Variants in WWOX observed in about 807,000 individuals in gnomAD.
WWOX encodes WW domain containing oxidoreductase, also known as WW domain-containing oxidoreductase.
WWOX carries 69 observed loss-of-function variants against 46.2 expected under a neutral mutation model. The ratio of observed to expected loss-of-function variants is 1.49; its 90% CI spans 1.23 to 1.82. The LOEUF is 1.82. Among genes scored for constraint, WWOX ranks in the 40% most tolerant of loss-of-function variants. The probability of loss-of-function intolerance (pLI) is 0.00; values close to 1 mark genes in which losing one functional copy is unlikely to be tolerated. For synonymous variants in WWOX, 359 were observed against 202.6 expected, an observed-to-expected ratio of 1.77 and a Z score of -6.56; for missense variants, 919 against 542.6, an observed-to-expected ratio of 1.69 and a Z score of -6.89.
intron 8 of WWOX, among the ~76,000 whole-genome samples, chr16:78,960,490 C>T (rs2046252042): frequency 6.6e-6 from 1 of 152,200 alleles, no homozygotes; most frequent in Admixed American, 6.5e-5. Flanking sequence ...CTTAAATCTA[C>T]TGGAGATTAC....
intron 8 of WWOX, among the ~76,000 whole-genome samples, chr16:78,728,254 G>T (rs939413778): frequency 3.3e-5 from 5 of 151,424 alleles, no homozygotes; most frequent in African/African-American, 1.2e-4. Context: ...TTGTAGAGAT[G>T]GGGTCCCACT....
At chr16:78,464,927 A>G (rs544949644) in intron 8 of WWOX, among the ~76,000 whole-genome samples, 95 of 152,314 alleles carry the variant, frequency 6.2e-4, no homozygotes, top group African/African-American at 2.2e-3. Context: ...GATTTACTGA[A>G]CTCAGTCGTT....
At chr16:78,875,896 A>C (rs1185661661) in intron 8 of WWOX, among the ~76,000 whole-genome samples, 1 of 152,136 alleles carries the variant, frequency 6.6e-6, no homozygotes, top group Non-Finnish European at 1.5e-5. Flanking sequence ...AACTTGTTCT[A>C]ATTCTTTCTC....
intron 8 of WWOX, among the ~76,000 whole-genome samples, chr16:78,598,721 C>T (rs2045551198): frequency 6.6e-6 from 1 of 152,156 alleles, no homozygotes; most frequent in African/African-American, 2.4e-5. Context: ...AGTTAATATG[C>T]CAGTGACTAC....
chr16:78,449,761 C>G (rs189997246), intron 8 of WWOX, among the ~76,000 whole-genome samples: 240 of 152,258 alleles, frequency 1.6e-3, no homozygotes, highest in African/African-American at 5.4e-3. Context: ...ATAATGTATC[C>G]TAAAGTCAAG....
chr16:78,435,820 A>G (rs1437982600), intron 8 of WWOX, among the ~76,000 whole-genome samples: 1 of 152,206 alleles, frequency 6.6e-6, no homozygotes, highest in African/African-American at 2.4e-5. Context: ...CTGTCTCATT[A>G]CGATGAAAAT....
At chr16:79,129,960 C>G (rs1272245391) in intron 8 of WWOX, among the ~76,000 whole-genome samples, 3 of 152,176 alleles carry the variant, frequency 2.0e-5, no homozygotes, top group Non-Finnish European at 4.4e-5. Flanking sequence ...CACTTTAAGT[C>G]TCCGTTTCCT....
At chr16:78,524,662 A>G (rs950936547) in intron 8 of WWOX, among the ~76,000 whole-genome samples, 1 of 151,026 alleles carries the variant, frequency 6.6e-6, no homozygotes, top group Non-Finnish European at 1.5e-5. Context: ...CTCGTGATCC[A>G]CCCGCCTCAG....
intron 8 of WWOX, among the ~76,000 whole-genome samples, chr16:78,768,522 A>G (rs2049982078): frequency 6.6e-6 from 1 of 151,934 alleles, no homozygotes; most frequent in Non-Finnish European, 1.5e-5. Flanking sequence ...CTTGGGAGGC[A>G]AAGGTTGCAG....
chr16:78,393,642 A>G (rs2082224233), intron 6 of WWOX, among the ~76,000 whole-genome samples: 2 of 152,196 alleles, frequency 1.3e-5, no homozygotes, highest in South Asian at 4.1e-4. Flanking sequence ...AGCTTGTATA[A>G]TACTGACCAA....
Position 78,802,962 on chromosome 16 carries a change from C to T in WWOX, c.1056+370210C>T, listed in dbSNP as rs1003015051. 6.5e-5 allele frequency among the ~76,000 whole-genome samples: 5 copies of T among 76,496 alleles called. 1 individual carries two copies. Among genetic ancestry groups the T allele is most frequent in the Admixed American group, 1.5e-4 (1 of 6,610 alleles). The allele number at this position is 76,496 out of a possible 152,430, so 50.2% of individuals were successfully genotyped here. A position where few individuals can be genotyped will look rare whatever the true frequency, so the allele number is the denominator to read the frequency against. On this transcript the variant is annotated intron_variant, in intron 8 of 8. Coordinates refer to ENST00000566780, the MANE Select transcript of WWOX (RefSeq NM_016373.4). Reference sequence around the variant, plus strand: ...AAAAAACAACAAACAGAAAAATGAACGAGTGAGTGGCAAGAAAGATGAAAT... The same window carrying T: ...AAAAAACAACAAACAGAAAAATGAATGAGTGAGTGGCAAGAAAGATGAAAT...
chr16:78,284,622 C>T (rs1481646903), intron 5 of WWOX, among the ~76,000 whole-genome samples: 1 of 152,154 alleles, frequency 6.6e-6, no homozygotes, highest in Non-Finnish European at 1.5e-5. Context: ...GACATTTCTA[C>T]AAAATCAATC....
In WWOX at chr16:78,170,868, A is replaced by T. The variant is rs556021404; in HGVS notation, c.516+6579A>T. On this transcript the variant is annotated intron_variant, in intron 5 of 8. Transcript: ENST00000566780. ...TAAAAATAAAAGATTTATTAGCCAG[A>T]GGTAATGGAATGTGCATGTTTTAGG... Among the ~76,000 whole-genome samples, 3 of 152,384 alleles carry T rather than the reference A, an allele frequency of 2.0e-5. No homozygotes were observed. The East Asian group carries it at 5.8e-4, about 29-fold the overall frequency.
chr16:78,130,668 G>A (rs1004835939), intron 4 of WWOX, among the ~76,000 whole-genome samples: 106 of 152,210 alleles, frequency 7.0e-4, no homozygotes, highest in South Asian at 2.1e-4. Context: ...AGTCTGCAAT[G>A]AAAACTGTGT....
intron 5 of WWOX, among the ~76,000 whole-genome samples, chr16:78,289,420 A>G (rs2079823856): frequency 6.6e-6 from 1 of 152,130 alleles, no homozygotes; most frequent in Non-Finnish European, 1.5e-5. Flanking sequence ...ATTACTTACT[A>G]ATGAAAAAAA....
chr16:78,188,355 G>A (rs1376361942), intron 5 of WWOX, among the ~76,000 whole-genome samples: 2 of 152,058 alleles, frequency 1.3e-5, no homozygotes, highest in East Asian at 1.9e-4. Context: ...CAATGTGGTG[G>A]TGGGTGCCTG....
chr16:78,517,358 C>G (rs1488746051), intron 8 of WWOX, among the ~76,000 whole-genome samples: 1 of 104,690 alleles, frequency 9.6e-6, no homozygotes, highest in Non-Finnish European at 1.7e-5. Flanking sequence ...TATATTTTGA[C>G]ATTTGAAGCA....
At chr16:78,583,036 C>G (rs1251772644) in intron 8 of WWOX, among the ~76,000 whole-genome samples, 1 of 152,194 alleles carries the variant, frequency 6.6e-6, no homozygotes, top group Non-Finnish European at 1.5e-5. Flanking sequence ...TAGGAATTCA[C>G]AGAGTGAAGA....
At chr16:79,105,138 C>T (rs2049282570) in intron 8 of WWOX, among the ~76,000 whole-genome samples, 2 of 152,086 alleles carry the variant, frequency 1.3e-5, no homozygotes, top group Non-Finnish European at 1.5e-5. Flanking sequence ...GTCCTGTAGC[C>T]CCAGAGCCTC....
Sources: gnomAD v4.1 joint callset for allele counts (sites outside exome capture counted in the v4.1 genomes callset) on GRCh38, gnomAD v4.1.1 for gene constraint, MANE v1.5 for transcripts, NCBI Gene and HGNC (gene_info 2026-07-23, HGNC 2026-07-21) for gene names.